The following NPFF variants were observed in gnomAD, a reference collection of about 807,000 sequenced individuals.
NPFF encodes the protein neuropeptide FF-amide peptide precursor, also known as pro-FMRFamide-related neuropeptide FF.
In NPFF, 14 loss-of-function variants were observed where a neutral mutation model predicts 12.9. The observed-to-expected ratio is 1.09, with a 90% confidence interval of 0.72 to 1.70. The LOEUF (loss-of-function observed/expected upper bound fraction) is 1.70, where lower values mean the gene tolerates loss of function less well. Ranked by LOEUF, NPFF falls within the 40% of genes most tolerant of loss-of-function variation. The pLI is 0.00. For synonymous variants in NPFF, 56 were observed against 57.3 expected (o/e 0.98, Z 0.10); for missense variants, 140 against 135.7 (o/e 1.03, Z -0.16).
chr12:53,506,852 A>G lies in NPFF; in HGVS notation c.266T>C (p.Leu89Pro). The change falls in exon 3 of 3, where the codon CTG (leucine) becomes CCG (proline). Residue 89 changes from leucine (L) to proline (P), a missense_variant. Leu to Pro is a moderately conservative substitution (Grantham distance 98). Coordinates refer to ENST00000267017, the MANE Select transcript of NPFF (RefSeq NM_003717.4). Reference protein sequence around the residue: ...NTQGSWRNEWLSPRAGEGLNS... With the variant: ...NTQGSWRNEWPSPRAGEGLNS... Reference sequence around the variant, plus strand: ...CAGCCCCTCTCCAGCCCGGGGACTCAGCCATTCATTCCTCCAGGATCCCTG... The same window carrying G: ...CAGCCCCTCTCCAGCCCGGGGACTCGGCCATTCATTCCTCCAGGATCCCTG... The G allele has an allele frequency of 6.2e-7, 1 of 1,604,802 alleles. No individual in the cohort carries two copies. The highest frequency in any genetic ancestry group is 1.1e-5 in the South Asian group (1 of 89,662).
chr12:53,506,834 T>TA lies in NPFF; in HGVS notation c.283_284insT (p.Glu95ValfsTer?). ...GCTCCAGAACTGGGAATTCAGCCCC[T>TA]CTCCAGCCCGGGGACTCAGCCATTC... On this transcript the variant is annotated frameshift_variant, in exon 3 of 3. Transcript: ENST00000267017. LOFTEE classifies it high-confidence loss of function. 6.2e-7 allele frequency: 1 copy of TA among 1,602,584 alleles called. No homozygotes were observed.
intron 2 of NPFF, 34 bp from the exon 3 acceptor site, chr12:53,506,927 C>T (rs1472864730): frequency 6.3e-7 from 1 of 1,577,750 alleles, no homozygotes; most frequent in Non-Finnish European, 8.6e-7. Flanking sequence ...TCCCCGCAGT[C>T]TCCCTTCTCT....
intron 1 of NPFF, 43 bp downstream of exon 1, chr12:53,507,325 CAACCG>C (rs1310006681): frequency 1.2e-6 from 2 of 1,611,658 alleles, no homozygotes; most frequent in African/African-American, 1.3e-5. Flanking sequence ...GCACAAGTCT[CAACCG>C]AAGTAGAGGC....
rs747016065 is a variant in NPFF at position 53,506,943 on chromosome 12, C to A, written c.225-50G>T. ...CCCCGCAGTCTCCCTTCTCTAGCCC[C>A]CTTCCTTCTCCTCTTCCTCTGCCTC... is the stretch of plus-strand genomic sequence containing the variant. On this transcript the variant is annotated intron_variant, in intron 2 of 2. Transcript: ENST00000267017. 5 of 1,582,192 alleles carry A rather than the reference C, an allele frequency of 3.2e-6. No homozygotes were observed. In the African/African-American group the frequency reaches 4.0e-5, roughly 13 times the overall value.
At position 53,507,402 on chromosome 12, in the gene NPFF, C is replaced by A. The variant is rs556658636; in HGVS notation, c.73G>T (p.Gly25Ter). 9.6e-5 allele frequency: 155 copies of A among 1,614,094 alleles called. 2 individuals carry two copies. In the South Asian group the frequency reaches 1.6e-3, roughly 17 times the overall value. ...LIDGGCAEGP[G>*]GQQEDQLSAE... The stretch of plus-strand genomic sequence containing the variant: ...GAGAGCTGGTCTTCCTGCTGGCCTC[C>A]TGGCCCTTCAGCACAGCCCCCGTCT... The change falls in exon 1 of 3, where the codon GGA becomes TGA. Residue 25 changes from glycine to a stop codon, truncating the protein, a stop_gained. Coordinates refer to ENST00000267017, the MANE Select transcript of NPFF (RefSeq NM_003717.4). LOFTEE classifies it high-confidence loss of function.
chr12:53,507,332 A>G, intron 1 of NPFF, 41 bp downstream of exon 1: 1 of 1,612,820 alleles, frequency 6.2e-7, no homozygotes, highest in Non-Finnish European at 8.5e-7. Flanking sequence ...TCTCAACCGA[A>G]GTAGAGGCAA....
At chr12:53,506,936 C>G (rs1460597753) in intron 2 of NPFF, 43 bp from the exon 3 acceptor site, 1 of 1,582,660 alleles carries the variant, frequency 6.3e-7, no homozygotes. Context: ...TCTCCCTTCT[C>G]TAGCCCCCTT....
At chr12:53,507,342 A>G (rs770486315) in intron 1 of NPFF, 31 bp downstream of exon 1, 13 of 1,613,466 alleles carry the variant, frequency 8.1e-6, no homozygotes, top group African/African-American at 5.3e-5. Context: ...AGTAGAGGCA[A>G]TGGTGATATG....
rs780023406 is a variant in NPFF at position 53,507,078 on chromosome 12, A to G, written c.167T>C (p.Leu56Pro). ...GCCAGGTCTCTCCATTGCCTGGAGC[A>G]GGTAGTGCAACAGTGACCCAGAGGT... ...AQTSGSLLHY[L>P]LQAMERPGRS... Residue 56 changes from leucine (L) to proline (P), a missense_variant, in exon 2 of 3, where the codon CTG becomes CCG. Transcript: ENST00000267017. 3.1e-6 allele frequency: 5 copies of G among 1,614,108 alleles called. No individual in the cohort carries two copies. The highest frequency in any genetic ancestry group is 3.4e-6 in the Non-Finnish European group (4 of 1,180,020).
chr12:53,507,365 ACACT>A lies in NPFF; in HGVS notation c.102+4_102+7del, dbSNP rs767662236. 8 of 1,614,038 alleles carry A rather than the reference ACACT, an allele frequency of 5.0e-6. No homozygotes were observed. Among genetic ancestry groups the A allele is most frequent in the Non-Finnish European group, 6.8e-6 (8 of 1,179,976 alleles). The stretch of plus-strand genomic sequence containing the variant: ...CAATGGTGATATGGGGATGGGACAC[ACACT>A]CACCGCGGAGAGCTGGTCTTCCTGC... On this transcript the variant is annotated splice_donor_5th_base_variant and intron_variant, in intron 1 of 2. Transcript: ENST00000267017.
At position 53,507,373 on chromosome 12, in the gene NPFF, C is replaced by T. The variant is rs766378604; in HGVS notation, c.102G>A (p.Ala34=). ...ATATGGGGATGGGACACACACTCAC[C>T]GCGGAGAGCTGGTCTTCCTGCTGGC... is the stretch of plus-strand genomic sequence containing the variant. ...PGGQQEDQLS[A]EEDSEPLPPQ... Residue 34 remains alanine (A), a splice_region_variant and synonymous_variant, in exon 1 of 3, where the codon GCG becomes GCA. Transcript: ENST00000267017. 13 of 1,613,918 alleles carry T rather than the reference C, an allele frequency of 8.1e-6. No individual in the cohort carries two copies. Among genetic ancestry groups the T allele is most frequent in the Middle Eastern group, 1.6e-4 (1 of 6,084 alleles).
chr12:53,507,251 C>G (rs762439605), intron 1 of NPFF, 109 bp from the exon 2 acceptor site: 12 of 1,584,026 alleles, frequency 7.6e-6, no homozygotes, highest in African/African-American at 1.3e-5. Flanking sequence ...GCTGCGGAAC[C>G]ATTTCCTCAG....
In NPFF at chr12:53,506,962, C is replaced by T. The variant is rs1273043237; in HGVS notation, c.224+59G>A. 5 of 1,592,188 alleles carry T rather than the reference C, an allele frequency of 3.1e-6. No homozygotes were observed. The African/African-American group carries it at 5.4e-5, about 17-fold the overall frequency. On this transcript the variant is annotated intron_variant, in intron 2 of 2. Coordinates refer to ENST00000267017, the MANE Select transcript of NPFF (RefSeq NM_003717.4). ...TAGCCCCCTTCCTTCTCCTCTTCCT[C>T]TGCCTCCTGCCCTTTCCACCCCCAG... is the stretch of plus-strand genomic sequence containing the variant.
Position 53,506,833 on chromosome 12 carries a change from C to A in NPFF, c.285G>T (p.Glu95Asp). The change falls in exon 3 of 3, where the codon GAG becomes GAT. Residue 95 changes from glutamate to aspartate, a missense_variant. By Grantham distance (45) the Glu-to-Asp change is conservative. Coordinates refer to ENST00000267017, the MANE Select transcript of NPFF (RefSeq NM_003717.4). ...GGCTCCAGAACTGGGAATTCAGCCC[C>A]TCTCCAGCCCGGGGACTCAGCCATT... The part of the protein sequence containing the change: ...RNEWLSPRAG[E>D]GLNSQFWSLA... 1 of 1,602,336 alleles carries A rather than the reference C, an allele frequency of 6.2e-7. No homozygotes were observed. The highest frequency in any genetic ancestry group is 8.5e-7 in the Non-Finnish European group (1 of 1,174,420).
chr12:53,507,318 C>CA, intron 1 of NPFF, 55 bp downstream of exon 1: 1 of 1,610,012 alleles, frequency 6.2e-7, no homozygotes, highest in Non-Finnish European at 8.5e-7. Context: ...ACCTAGAGCA[C>CA]AAGTCTCAAC....
chr12:53,506,701 C>A lies in NPFF; in HGVS notation c.*75G>T. On this transcript the variant is annotated 3_prime_UTR_variant, in exon 3 of 3. Coordinates refer to ENST00000267017, the MANE Select transcript of NPFF (RefSeq NM_003717.4). ...GACACACATGGATTCAGAAGCCAGA[C>A]AATTTTATTTGGGGGGCAAACATTG... 3 of 1,212,084 alleles carry A rather than the reference C, an allele frequency of 2.5e-6. No individual in the cohort carries two copies. The highest frequency in any genetic ancestry group is 3.5e-6 in the Non-Finnish European group (3 of 862,326). The allele number at this position is 1,212,084 out of a possible 1,614,324, so 75.1% of individuals were successfully genotyped here. A position where few individuals can be genotyped will look rare whatever the true frequency, so the allele number is the denominator to read the frequency against.
Position 53,507,062 on chromosome 12 carries a change from C to G in NPFF, c.183G>C (p.Glu61Asp), listed in dbSNP as rs1592747939. Residue 61 changes from glutamate (E) to aspartate (D), a missense_variant, in exon 2 of 3, where the codon GAG becomes GAC. Glu to Asp is a conservative substitution (Grantham distance 45, BLOSUM62 2). Coordinates refer to ENST00000267017, the MANE Select transcript of NPFF (RefSeq NM_003717.4). Reference protein sequence around the residue: ...SLLHYLLQAMERPGRSQAFLF... With the variant: ...SLLHYLLQAMDRPGRSQAFLF... Reference sequence around the variant, plus strand: ...GGAAGGCTTGGCTCCGGCCAGGTCTCTCCATTGCCTGGAGCAGGTAGTGCA... The same window carrying G: ...GGAAGGCTTGGCTCCGGCCAGGTCTGTCCATTGCCTGGAGCAGGTAGTGCA... 8 of 1,614,118 alleles carry G rather than the reference C, an allele frequency of 5.0e-6. No individual in the cohort carries two copies. In the East Asian group the frequency reaches 1.8e-4, roughly 36 times the overall value.
chr12:53,506,781 T>C lies in NPFF; in HGVS notation c.337A>G (p.Lys113Glu), dbSNP rs766212092. The stretch of plus-strand genomic sequence containing the variant: ...ACATATCAAGGGATGACATGTCACT[T>C]CTTCCCAAAGCGTTGAGGGGCAGCC... Reference protein sequence around the residue: ...SLAAPQRFGKK With the variant: ...SLAAPQRFGKE The change falls in exon 3 of 3, where the codon AAG becomes GAG. Residue 113 changes from lysine to glutamate, a missense_variant. Coordinates refer to ENST00000267017, the MANE Select transcript of NPFF (RefSeq NM_003717.4). The C allele has an allele frequency of 6.4e-7, 1 of 1,551,232 alleles. No homozygotes were observed. Among genetic ancestry groups the C allele is most frequent in the Admixed American group, 2.0e-5 (1 of 49,514 alleles).
chr12:53,506,980 A>AC (rs1158933872), intron 2 of NPFF, 41 bp downstream of exon 2: 1 of 1,595,160 alleles, frequency 6.3e-7, no homozygotes, highest in Non-Finnish European at 8.6e-7. Context: ...TGCCCTTTCC[A>AC]CCCCCAGCCC....
Sources: allele counts gnomAD v4.1 joint callset, GRCh38; gene constraint gnomAD v4.1.1; transcripts MANE v1.5; gene names NCBI Gene and HGNC (gene_info 2026-07-23, HGNC 2026-07-21).